PBX1: variants seen among roughly 807,000 people sequenced by gnomAD.
The protein encoded by PBX1 is PBX homeobox 1.
A neutral mutation model predicts 53.4 loss-of-function variants in PBX1; 6 were observed. The observed-to-expected ratio is 0.11, with a 90% CI of 0.06 to 0.22. The LOEUF (loss-of-function observed/expected upper bound fraction) is 0.22. PBX1 is among the 10% of genes least tolerant of loss of function. The pLI, the probability that PBX1 is intolerant of heterozygous loss-of-function variation, is 1.00. For synonymous variants in PBX1, 204 were observed against 212.3 expected (o/e 0.96, Z 0.34); for missense variants, 251 against 551.4 (o/e 0.46, Z 5.46).
chr1:164,866,287 A>G (rs746835054), intron 2 of PBX1, among the ~76,000 whole-genome samples: 1 of 152,240 alleles, frequency 6.6e-6, no homozygotes, highest in Non-Finnish European at 1.5e-5. Flanking sequence ...CACACTGGAT[A>G]TCTTCACGCT....
intron 2 of PBX1, among the ~76,000 whole-genome samples, chr1:164,612,445 C>CCT (rs1571065006): frequency 6.6e-6 from 1 of 152,124 alleles, no homozygotes; most frequent in East Asian, 1.9e-4. Flanking sequence ...CGTTTAGCCA[C>CCT]CTCTCGTAGC....
chr1:164,564,752 A>C (rs1215127502), intron 2 of PBX1, among the ~76,000 whole-genome samples: 1 of 151,964 alleles, frequency 6.6e-6, no homozygotes, highest in Non-Finnish European at 1.5e-5. Flanking sequence ...AGTTTTTTCC[A>C]GTTTGTCACA....
intron 2 of PBX1, among the ~76,000 whole-genome samples, chr1:164,751,115 A>C (rs1288037736): frequency 6.6e-6 from 1 of 152,054 alleles, no homozygotes; most frequent in Non-Finnish European, 1.5e-5. Flanking sequence ...CAGGAGTTCA[A>C]GACCAGCCTG....
chr1:164,679,055 A>G (rs564169915), intron 2 of PBX1, among the ~76,000 whole-genome samples: 27 of 152,370 alleles, frequency 1.8e-4, no homozygotes, highest in African/African-American at 6.0e-4. Context: ...CAGTGTTTTC[A>G]GAAATGAGTT....
chr1:164,573,508 T>A (rs1029371677), intron 2 of PBX1, among the ~76,000 whole-genome samples: 2 of 145,824 alleles, frequency 1.4e-5, no homozygotes, highest in African/African-American at 5.2e-5. Context: ...TTTTTTTTTT[T>A]AAAGACAGTG....
At chr1:164,800,514 C>T (rs11805203) in intron 4 of PBX1, among the ~76,000 whole-genome samples, 1,958 of 152,224 alleles carry the variant, frequency 0.013, 22 homozygotes, top group Non-Finnish European at 0.018. Flanking sequence ...GTTGAAGAAA[C>T]CATGGATAGA....
In PBX1 at chr1:164,839,328, G is replaced by A. The variant is rs115960566; in HGVS notation, c.1201-7256G>A. ...TAACTTATTTTATCAACCACTGTAT[G>A]CCCAGTATGTAGCACAAGTGGGCAC... On this transcript the variant is annotated intron_variant, in intron 8 of 8. Transcript: ENST00000420696. Among the ~76,000 whole-genome samples, 1,125 of 152,252 alleles carry A rather than the reference G, an allele frequency of 7.4e-3. 12 individuals carry two copies. Among genetic ancestry groups the A allele is most frequent in the African/African-American group, 0.025 (1,052 of 41,544 alleles).
intron 8 of PBX1, chr1:164,829,729 T>C (rs1670658729): frequency 6.6e-6 from 1 of 152,082 alleles, no homozygotes; most frequent in South Asian, 2.1e-4. Flanking sequence ...TTTGCCTATG[T>C]AGCAAACCTG....
chr1:164,879,154 T>C (rs922750760), intron 2 of PBX1, among the ~76,000 whole-genome samples: 1 of 152,226 alleles, frequency 6.6e-6, no homozygotes, highest in Non-Finnish European at 1.5e-5. Context: ...AGTATAGTAA[T>C]TGGTATTCAC....
At chr1:164,708,612 C>G (rs778543467) in intron 2 of PBX1, among the ~76,000 whole-genome samples, 2 of 152,142 alleles carry the variant, frequency 1.3e-5, no homozygotes, top group Non-Finnish European at 2.9e-5. Flanking sequence ...CATGTATACC[C>G]ATTGTTTAGC....
intron 8 of PBX1, among the ~76,000 whole-genome samples, chr1:164,845,397 A>T (rs1204970787): frequency 6.6e-6 from 1 of 151,586 alleles, no homozygotes; most frequent in Non-Finnish European, 1.5e-5. Flanking sequence ...CAACAATAAT[A>T]CCTGCCCCAT....
chr1:164,607,691 C>G lies in PBX1; in HGVS notation c.265+44380C>G, dbSNP rs542675939. ...GAGGGAATGCAGTGATCCAAGAGAG[C>G]CTACACAGTATAGAAGCAGACCAGG... On this transcript the variant is annotated intron_variant, in intron 2 of 8. Coordinates refer to ENST00000420696, the MANE Select transcript of PBX1 (RefSeq NM_002585.4). Among the ~76,000 whole-genome samples the G allele has an allele frequency of 1.8e-3, 276 of 152,120 alleles. 1 individual carries two copies. Among genetic ancestry groups the G allele is most frequent in the Non-Finnish European group, 1.9e-3 (130 of 67,994 alleles).
chr1:164,575,946 A>T lies in PBX1; in HGVS notation c.265+12635A>T, dbSNP rs531275022. On this transcript the variant is annotated intron_variant, in intron 2 of 8. Transcript: ENST00000420696. ...CAAGAAGTAACCACATCGTGTGAGG[A>T]ATAAATTAAAGCAGCTTCATCCGGA... 5.9e-5 allele frequency among the ~76,000 whole-genome samples: 9 copies of T among 152,252 alleles called. No individual in the cohort carries two copies. In the South Asian group the frequency reaches 1.9e-3, roughly 32 times the overall value.
intron 2 of PBX1, among the ~76,000 whole-genome samples, chr1:164,786,681 C>CTGTGTG (rs74747780): frequency 9.0e-4 from 127 of 140,602 alleles, no homozygotes; most frequent in East Asian, 6.7e-3. Flanking sequence ...TCAGAAGAGA[C>CTGTGTG]TGTGTGTGTG....
intron 4 of PBX1, among the ~76,000 whole-genome samples, chr1:164,802,690 T>C (rs2102326278): frequency 6.6e-6 from 1 of 152,300 alleles, no homozygotes; most frequent in East Asian, 1.9e-4. Context: ...TTTATGCCAC[T>C]CAAGTCATTT....
At chr1:164,706,535 G>A (rs986864212) in intron 2 of PBX1, among the ~76,000 whole-genome samples, 2 of 152,130 alleles carry the variant, frequency 1.3e-5, no homozygotes, top group Admixed American at 1.3e-4. Context: ...GTCCATTCTA[G>A]TATGGTGATA....
At chr1:164,591,523 G>T (rs1489189567) in intron 2 of PBX1, among the ~76,000 whole-genome samples, 2 of 152,166 alleles carry the variant, frequency 1.3e-5, no homozygotes, top group Non-Finnish European at 2.9e-5. Context: ...CTGCTTAAGA[G>T]AGTAAACTTT....
chr1:164,730,505 T>C (rs1003813226), intron 2 of PBX1, among the ~76,000 whole-genome samples: 40 of 152,072 alleles, frequency 2.6e-4, no homozygotes, highest in African/African-American at 8.7e-4. Flanking sequence ...TGCAGGGAGG[T>C]ATTCCCTCCT....
intron 2 of PBX1, among the ~76,000 whole-genome samples, chr1:164,681,447 C>T (rs1326137136): frequency 1.3e-5 from 2 of 151,964 alleles, no homozygotes; most frequent in Non-Finnish European, 2.9e-5. Flanking sequence ...TAAAATAAAT[C>T]AATTGACTTT....
Sources: gnomAD v4.1 joint callset for allele counts (sites outside exome capture counted in the v4.1 genomes callset) on GRCh38, gnomAD v4.1.1 for gene constraint, MANE v1.5 for transcripts, NCBI Gene and HGNC (gene_info 2026-07-23, HGNC 2026-07-21) for gene names.